The following RBBP7 variants were observed in gnomAD, a reference collection of about 807,000 sequenced individuals.
RBBP7 encodes the protein RB binding protein 7, chromatin remodeling factor.
Under a neutral mutation model 35.2 loss-of-function variants are expected in RBBP7, and 5 were observed. The ratio of observed to expected loss-of-function variants is 0.14; its 90% CI spans 0.07 to 0.30. The LOEUF (loss-of-function observed/expected upper bound fraction) is 0.30. Ranked by LOEUF, RBBP7 falls within the 10% of genes least tolerant of loss-of-function variation. RBBP7 has a pLI of 1.00. For synonymous variants in RBBP7, 140 were observed against 118.7 expected (o/e 1.18, Z -1.17); for missense variants, 155 against 327.5 (o/e 0.47, Z 4.07).
chrX:16,845,309 C>CT (rs1930044384), intron 11 of RBBP7, among the ~76,000 whole-genome samples: 1 of 112,355 alleles, frequency 8.9e-6, no homozygotes, highest in East Asian at 2.8e-4. Flanking sequence ...AGCCACCCAT[C>CT]GATGCACTAC....
At chrX:16,862,624 C>T (rs1320926983) in intron 3 of RBBP7, among the ~76,000 whole-genome samples, 2 of 110,733 alleles carry the variant, frequency 1.8e-5, no homozygotes, top group Non-Finnish European at 3.8e-5. Flanking sequence ...TTCAAGCAAT[C>T]CTCCCACCTT....
Position 16,870,246 on chromosome X carries a change from G to A in RBBP7, c.-193C>T, listed in dbSNP as rs1022333695. ...TTTCCTGCCTCCTCCCCGCTCGCGG[G>A]TACCGAGGTCTGAGGCGCTCTTCTC... On this transcript the variant is annotated 5_prime_UTR_variant, in exon 1 of 12. Coordinates refer to ENST00000380087, the MANE Select transcript of RBBP7 (RefSeq NM_002893.4). 5.3e-5 allele frequency: 29 copies of A among 552,077 alleles called. No individual in the cohort carries two copies. The highest frequency in any genetic ancestry group is 6.4e-5 in the Non-Finnish European group (28 of 435,320). 45.5% of individuals were successfully genotyped at this position (552,077 alleles called of 1,213,427 possible). A position where few individuals can be genotyped will look rare whatever the true frequency, so the allele number is the denominator to read the frequency against.
intron 1 of RBBP7, 24 bp from the exon 2 acceptor site, chrX:16,869,244 C>T (rs1219564045): frequency 1.7e-6 from 2 of 1,196,471 alleles, no homozygotes; most frequent in South Asian, 3.7e-5. Flanking sequence ...AAAGCCCACA[C>T]GATTAAGTGG....
chrX:16,866,454 A>C (rs1006885508), intron 2 of RBBP7, among the ~76,000 whole-genome samples: 11 of 88,757 alleles, frequency 1.2e-4, no homozygotes, highest in Non-Finnish European at 1.9e-4. Context: ...TGAACCCGGG[A>C]GGTGGAGGCT....
chrX:16,850,877 T>C, intron 9 of RBBP7, among the ~76,000 whole-genome samples: 1 of 111,934 alleles, frequency 8.9e-6, no homozygotes. Flanking sequence ...GGCGGGAGAA[T>C]CACGTGGGGT....
chrX:16,865,005 A>C (rs915979875), intron 2 of RBBP7, among the ~76,000 whole-genome samples: 5 of 97,500 alleles, frequency 5.1e-5, no homozygotes, highest in Non-Finnish European at 8.0e-5. Flanking sequence ...CTACTACGGA[A>C]GACTGCTTGA....
At chrX:16,865,093 A>AAAAAAATT (rs1930581518) in intron 2 of RBBP7, among the ~76,000 whole-genome samples, 1 of 104,154 alleles carries the variant, frequency 9.6e-6, no homozygotes, top group Non-Finnish European at 2.0e-5. Flanking sequence ...AAAAAAAAGA[A>AAAAAAATT]TAAATATTTG....
intron 4 of RBBP7, 122 bp downstream of exon 4, chrX:16,858,554 G>A (rs1930401043): frequency 1.8e-5 from 19 of 1,038,407 alleles, no homozygotes; most frequent in Non-Finnish European, 2.4e-5. Flanking sequence ...ATGGTTATGG[G>A]ACCCCCAAAG....
At chrX:16,869,666 C>G (rs1182148205) in intron 1 of RBBP7, 16 of 1,081,089 alleles carry the variant, frequency 1.5e-5, no homozygotes, top group African/African-American at 1.2e-4. Context: ...CAGCAACCCC[C>G]GGACAAGGGC....
At chrX:16,869,505 T>A (rs1479946330) in intron 1 of RBBP7, 1 of 1,167,132 alleles carries the variant, frequency 8.6e-7, no homozygotes, top group East Asian at 3.3e-5. Context: ...TGTTCTAAGA[T>A]GACGACCTGT....
chrX:16,864,877 T>C (rs1930571358), intron 2 of RBBP7, among the ~76,000 whole-genome samples: 1 of 109,370 alleles, frequency 9.1e-6, no homozygotes, highest in African/African-American at 3.3e-5. Flanking sequence ...AATTAGGCTC[T>C]AAGCAACATA....
intron 9 of RBBP7, among the ~76,000 whole-genome samples, chrX:16,851,508 T>C (rs1930213020): frequency 1.8e-5 from 2 of 111,888 alleles, no homozygotes; most frequent in Non-Finnish European, 3.8e-5. Context: ...CTTTAAAAAT[T>C]GGCAGAAACT....
intron 5 of RBBP7, 132 bp downstream of exon 5, chrX:16,857,462 C>G: frequency 9.8e-7 from 1 of 1,023,879 alleles, no homozygotes; most frequent in Non-Finnish European, 1.3e-6. Context: ...CTCTAAAGTC[C>G]TGGGGGAATG....
rs1026615569 is a variant in RBBP7 at position 16,868,955 on chromosome X, C to A, written c.161+121G>T. 2.4e-5 allele frequency: 18 copies of A among 754,943 alleles called. No individual in the cohort carries two copies. The African/African-American group carries it at 3.3e-4, about 14-fold the overall frequency. The allele number at this position is 754,943 out of a possible 1,213,427, so 62.2% of individuals were successfully genotyped here. Reference sequence around the variant, plus strand: ...TCACGTAAGTTTTGAAAATAAAAACCACCTGCCACCTCATGCAAGGGCTGA... The same window carrying A: ...TCACGTAAGTTTTGAAAATAAAAACAACCTGCCACCTCATGCAAGGGCTGA... On this transcript the variant is annotated intron_variant, in intron 2 of 11. Coordinates refer to ENST00000380087, the MANE Select transcript of RBBP7 (RefSeq NM_002893.4).
chrX:16,866,986 CTAAG>C (rs750887086), intron 2 of RBBP7, among the ~76,000 whole-genome samples: 1 of 111,783 alleles, frequency 8.9e-6, no homozygotes, highest in Admixed American at 9.5e-5. Context: ...TGTTACATTC[CTAAG>C]TATTACATAT....
intron 10 of RBBP7, 193 bp downstream of exon 10, chrX:16,849,051 C>G: frequency 2.8e-6 from 1 of 354,446 alleles, no homozygotes; most frequent in Non-Finnish European, 4.9e-6. Flanking sequence ...GTGAAACATT[C>G]ATAAAAACCT....
intron 1 of RBBP7, chrX:16,869,670 C>T: frequency 2.8e-6 from 3 of 1,081,451 alleles, no homozygotes; most frequent in South Asian, 2.6e-5. Context: ...AACCCCCGGA[C>T]AAGGGCCGCG....
intron 2 of RBBP7, among the ~76,000 whole-genome samples, chrX:16,867,964 C>T (rs1344445025): frequency 2.7e-5 from 3 of 111,586 alleles, no homozygotes; most frequent in East Asian, 5.6e-4. Flanking sequence ...CGATTACAGG[C>T]GTGAGCCACC....
rs1428115141 is a variant in RBBP7, at chrX:16,844,976, G to C, written c.*59C>G. ...ACTATACAATGCCTTTTTGGCGCTT[G>C]ATAAATCAAGCATTCATGTAGCATT... On this transcript the variant is annotated 3_prime_UTR_variant, in exon 12 of 12. Transcript: ENST00000380087. 6 of 1,083,561 alleles carry C rather than the reference G, an allele frequency of 5.5e-6. No homozygotes were observed. Among genetic ancestry groups the C allele is most frequent in the Non-Finnish European group, 7.6e-6 (6 of 784,941 alleles). 89.3% of individuals were successfully genotyped at this position (1,083,561 alleles called of 1,213,427 possible).
Sources: gnomAD v4.1 joint callset for allele counts (sites outside exome capture counted in the v4.1 genomes callset) on GRCh38, gnomAD v4.1.1 for gene constraint, MANE v1.5 for transcripts, NCBI Gene and HGNC (gene_info 2026-07-23, HGNC 2026-07-21) for gene names.